The following NUS1 variants were observed in gnomAD, a reference collection of about 807,000 sequenced individuals.
The protein encoded by NUS1 is dehydrodolichyl diphosphate synthase complex subunit NUS1.
For synonymous variants in NUS1, 135 were observed against 155.2 expected (o/e 0.87, Z 0.97); for missense variants, 292 against 382.9 (o/e 0.76, Z 1.98).
At chr6:117,678,180 C>T (rs1562173862) in intron 1 of NUS1, among the ~76,000 whole-genome samples, 1 of 152,194 alleles carries the variant, frequency 6.6e-6, no homozygotes, top group Non-Finnish European at 1.5e-5. Flanking sequence ...AACTGAAAGG[C>T]ACCTTAAGGA....
At chr6:117,687,280 A>G (rs1773154406) in intron 1 of NUS1, among the ~76,000 whole-genome samples, 1 of 152,188 alleles carries the variant, frequency 6.6e-6, no homozygotes, top group Non-Finnish European at 1.5e-5. Context: ...ATGTTTCATT[A>G]TTGTTAAGCA....
chr6:117,676,247 A>G (rs1444743936), intron 1 of NUS1, among the ~76,000 whole-genome samples, 162 bp downstream of exon 1: 1 of 152,182 alleles, frequency 6.6e-6, no homozygotes, highest in Non-Finnish European at 1.5e-5. Flanking sequence ...ACACCTACTA[A>G]TTCTCTGGAT....
chr6:117,675,529 T>C lies in NUS1; in HGVS notation c.-142T>C, dbSNP rs1772955474. 9 of 749,728 alleles carry C rather than the reference T, an allele frequency of 1.2e-5. No individual in the cohort carries two copies. The highest frequency in any genetic ancestry group is 1.9e-5 in the African/African-American group (1 of 51,426). 46.4% of individuals were successfully genotyped at this position (749,728 alleles called of 1,614,324 possible). ...AGATGGCGGCGGGGGCGAGGTGAGG[T>C]GTTGGCAGTGGAAAGGGGTTCGGGC... is the stretch of plus-strand genomic sequence containing the variant. On this transcript the variant is annotated 5_prime_UTR_variant, in exon 1 of 5. Coordinates refer to ENST00000368494, the MANE Select transcript of NUS1 (RefSeq NM_138459.5).
rs762095703 is a variant in NUS1, at chr6:117,676,111, G to T, written c.415+26G>T. 10 of 1,550,050 alleles carry T rather than the reference G, an allele frequency of 6.5e-6. No individual in the cohort carries two copies. The African/African-American group carries it at 9.6e-5, about 15-fold the overall frequency. ...GTGAGGCCCGGTGCGGTGGTGGGGGGTGGCCGAGGCGTCTTGGACCGCTAG... is the reference window on the plus strand; with the variant it reads ...GTGAGGCCCGGTGCGGTGGTGGGGGTTGGCCGAGGCGTCTTGGACCGCTAG... On this transcript the variant is annotated intron_variant, in intron 1 of 4. Coordinates refer to ENST00000368494, the MANE Select transcript of NUS1 (RefSeq NM_138459.5).
intron 1 of NUS1, 121 bp downstream of exon 1, chr6:117,676,206 G>T (rs1772978046): frequency 1.9e-5 from 28 of 1,453,268 alleles, no homozygotes; most frequent in Admixed American, 4.6e-5. Context: ...CAGCGCTAGC[G>T]CTTTCGAGGA....
chr6:117,678,590 C>A (rs1773016766), intron 1 of NUS1, among the ~76,000 whole-genome samples: 1 of 151,444 alleles, frequency 6.6e-6, no homozygotes, highest in Admixed American at 6.6e-5. Flanking sequence ...TGAATATAGA[C>A]TTGAAAATAT....
At chr6:117,697,065 T>A (rs1031944426) in intron 3 of NUS1, among the ~76,000 whole-genome samples, 1 of 152,082 alleles carries the variant, frequency 6.6e-6, no homozygotes, top group Non-Finnish European at 1.5e-5. Flanking sequence ...GTTTATTTGT[T>A]TATGCAAGCA....
chr6:117,676,834 T>C lies in NUS1; in HGVS notation c.415+749T>C, dbSNP rs115758960. Among the ~76,000 whole-genome samples the C allele has an allele frequency of 2.6e-3, 393 of 152,348 alleles. 5 individuals carry two copies. Among genetic ancestry groups the C allele is most frequent in the African/African-American group, 9.1e-3 (380 of 41,588 alleles). On this transcript the variant is annotated intron_variant, in intron 1 of 4. Coordinates refer to ENST00000368494, the MANE Select transcript of NUS1 (RefSeq NM_138459.5). ...TTAAGAGAGCTTCCAGGCGCTGTTC[T>C]TAAGTCGCAGTGAGGCTATAGAGGA...
chr6:117,682,569 C>G (rs1773076806), intron 1 of NUS1, among the ~76,000 whole-genome samples: 1 of 152,220 alleles, frequency 6.6e-6, no homozygotes, highest in South Asian at 2.1e-4. Flanking sequence ...CCACTGTACT[C>G]TAGCCGGGGT....
At chr6:117,687,862 T>A (rs2114683036) in intron 1 of NUS1, among the ~76,000 whole-genome samples, 1 of 152,212 alleles carries the variant, frequency 6.6e-6, no homozygotes, top group South Asian at 2.1e-4. Flanking sequence ...AAGCTGGTGG[T>A]GAAGCTAGCA....
At chr6:117,686,626 G>A (rs536567279) in intron 1 of NUS1, among the ~76,000 whole-genome samples, 5 of 152,208 alleles carry the variant, frequency 3.3e-5, no homozygotes, top group Non-Finnish European at 7.4e-5. Context: ...CCCTTAATCA[G>A]TTATTTCTGA....
intron 4 of NUS1, among the ~76,000 whole-genome samples, chr6:117,705,810 G>T (rs1773492237): frequency 6.6e-6 from 1 of 152,074 alleles, no homozygotes; most frequent in Non-Finnish European, 1.5e-5. Context: ...CAAGAATAAT[G>T]CATTAAATTT....
At chr6:117,689,043 AAAG>A (rs1200076061) in intron 1 of NUS1, among the ~76,000 whole-genome samples, 2 of 152,306 alleles carry the variant, frequency 1.3e-5, no homozygotes, top group East Asian at 1.9e-4. Flanking sequence ...TTTAGGGTGA[AAAG>A]AAGAAGAGGA....
In NUS1 at chr6:117,675,884, C is replaced by T. The variant is rs1460197813; in HGVS notation, c.214C>T (p.Pro72Ser). The change falls in exon 1 of 5, where the codon CCG becomes TCG. Residue 72 changes from proline (P) to serine (S), a missense_variant. Pro to Ser is a moderately conservative substitution (Grantham distance 74). Transcript: ENST00000368494. ...CAGGAACCGCCGTCACCACCGGCACCCGCGCGGGGGGTCGTGCCTGGCAGC... is the reference window on the plus strand; with the variant it reads ...CAGGAACCGCCGTCACCACCGGCACTCGCGCGGGGGGTCGTGCCTGGCAGC... ...VGRNRRHHRH[P>S]RGGSCLAAAH... is the part of the protein sequence containing the mutation. 11 of 1,534,836 alleles carry T rather than the reference C, an allele frequency of 7.2e-6. No homozygotes were observed. In the South Asian group the frequency reaches 1.1e-4, roughly 15 times the overall value.
intron 1 of NUS1, among the ~76,000 whole-genome samples, chr6:117,692,203 A>G (rs1773232532): frequency 6.6e-6 from 1 of 152,068 alleles, no homozygotes; most frequent in African/African-American, 2.4e-5. Context: ...ATGTGTATAT[A>G]TTAGCCTGTG....
intron 3 of NUS1, among the ~76,000 whole-genome samples, chr6:117,702,463 C>G (rs1773424394): frequency 6.6e-6 from 1 of 152,144 alleles, no homozygotes; most frequent in Non-Finnish European, 1.5e-5. Context: ...ACTGAAAGCT[C>G]TAGCTTTTTT....
chr6:117,708,013 G>GTTAC lies in NUS1; in HGVS notation c.*999_*1002dup, dbSNP rs1554202933. On this transcript the variant is annotated 3_prime_UTR_variant, in exon 5 of 5. Coordinates refer to ENST00000368494, the MANE Select transcript of NUS1 (RefSeq NM_138459.5). The stretch of plus-strand genomic sequence containing the variant: ...TATTTAAAATAAACATTTGAGGGAA[G>GTTAC]TTACCAAGGCAGCTTTTTTCCTCAA... The GTTAC allele has an allele frequency of 6.6e-6, 1 of 152,008 alleles. No individual in the cohort carries two copies. The highest frequency in any genetic ancestry group is 1.5e-5 in the Non-Finnish European group (1 of 67,966). 9.4% of individuals were successfully genotyped at this position (152,008 alleles called of 1,614,324 possible).
intron 3 of NUS1, among the ~76,000 whole-genome samples, chr6:117,695,218 A>AAG (rs1554202141): frequency 5.7e-4 from 86 of 150,430 alleles, no homozygotes; most frequent in Middle Eastern, 3.4e-3. Context: ...AAAAAAAAAA[A>AAG]AAAGAAAAAG....
Position 117,693,170 on chromosome 6 carries a change from A to G in NUS1, c.541+3A>G. On this transcript the variant is annotated splice_donor_region_variant and intron_variant, in intron 2 of 4. Transcript: ENST00000368494. The stretch of plus-strand genomic sequence containing the variant: ...TAGTAATGACAAAGATGATCAAGGT[A>G]AGCATGAGTGTATAATTGAACATGT... 1.2e-6 allele frequency: 2 copies of G among 1,611,830 alleles called. No homozygotes were observed. Among genetic ancestry groups the G allele is most frequent in the African/African-American group, 1.3e-5 (1 of 74,954 alleles).
Sources: allele counts gnomAD v4.1 joint callset (sites outside exome capture counted in the v4.1 genomes callset), GRCh38; gene constraint gnomAD v4.1.1; transcripts MANE v1.5; gene names NCBI Gene and HGNC (gene_info 2026-07-23, HGNC 2026-07-21).